KIZ: variants seen among roughly 807,000 people sequenced by gnomAD.
The protein encoded by KIZ is centrosomal protein kizuna.
A neutral mutation model predicts 79.6 loss-of-function variants in KIZ; 68 were observed. That is an observed-to-expected ratio of 0.85 (90% CI 0.70 to 1.05). KIZ has a LOEUF of 1.05. Among genes scored for constraint, KIZ ranks in the 50% least tolerant of loss-of-function variants. The pLI is 0.00. For synonymous variants in KIZ, 280 were observed against 281.8 expected (o/e 0.99, Z 0.06); for missense variants, 797 against 800.4 (o/e 1.00, Z 0.05).
Position 21,214,702 on chromosome 20 carries a change from T to C in KIZ, c.1612+2T>C. On this transcript the variant is annotated splice_donor_variant, in intron 8 of 12. Transcript: ENST00000619189. LOFTEE classifies it high-confidence loss of function. ...ACAGTGTTCCTACAAGGGAACAAGG[T>C]AACTATTGTTAAAGTGTGTGTCCAC... 6.2e-7 allele frequency: 1 copy of C among 1,606,096 alleles called. No individual in the cohort carries two copies. Among genetic ancestry groups the C allele is most frequent in the Non-Finnish European group, 8.5e-7 (1 of 1,173,340 alleles).
intron 9 of KIZ, among the ~76,000 whole-genome samples, chr20:21,223,415 G>T (rs2036561733): frequency 1.3e-5 from 2 of 152,144 alleles, no homozygotes; most frequent in South Asian, 2.1e-4. Context: ...AATTAGGCGG[G>T]TCTCTTCTCG....
chr20:21,221,198 T>G (rs768578162), intron 9 of KIZ, among the ~76,000 whole-genome samples: 22 of 152,224 alleles, frequency 1.4e-4, no homozygotes, highest in Non-Finnish European at 2.1e-4. Context: ...TTGACAATTT[T>G]ATTTGTATTC....
At chr20:21,210,858 T>G (rs1486060622) in intron 7 of KIZ, among the ~76,000 whole-genome samples, 1 of 152,182 alleles carries the variant, frequency 6.6e-6, no homozygotes, top group East Asian at 1.9e-4. Context: ...GTCAAACTTT[T>G]CTCTACCTAT....
chr20:21,211,833 A>G (rs1258687384), intron 7 of KIZ, among the ~76,000 whole-genome samples: 1 of 152,252 alleles, frequency 6.6e-6, no homozygotes, highest in African/African-American at 2.4e-5. Context: ...TCACGCCTAT[A>G]ATCCCGGCAC....
intron 3 of KIZ, among the ~76,000 whole-genome samples, chr20:21,140,109 C>T (rs1055771636): frequency 2.0e-5 from 3 of 152,174 alleles, no homozygotes; most frequent in African/African-American, 7.2e-5. Flanking sequence ...GGATGTTTGT[C>T]TCTGGTGTTT....
intron 6 of KIZ, among the ~76,000 whole-genome samples, chr20:21,175,267 A>G (rs1338572963): frequency 6.6e-6 from 1 of 152,206 alleles, no homozygotes; most frequent in African/African-American, 2.4e-5. Context: ...TGAAAAATCT[A>G]AGACTTTCAT....
In KIZ at chr20:21,145,636, A is replaced by C; in HGVS notation, c.387A>C (p.Thr129=). 6.7e-7 allele frequency: 1 copy of C among 1,496,728 alleles called. No homozygotes were observed. Among genetic ancestry groups the C allele is most frequent in the Non-Finnish European group, 9.1e-7 (1 of 1,103,648 alleles). 92.7% of individuals were successfully genotyped at this position (1,496,728 alleles called of 1,614,324 possible). A position where few individuals can be genotyped will look rare whatever the true frequency, so the allele number is the denominator to read the frequency against. Residue 129 remains threonine, a synonymous_variant, in exon 4 of 13, where the codon ACA becomes ACC. Transcript: ENST00000619189. The stretch of plus-strand genomic sequence containing the variant: ...GCCTGGGACTAAAAGAGGAACTGAC[A>C]GATGAAGACAGAGAAAAGGTAATAA... The part of the protein sequence containing the change: ...KDSLGLKEEL[T]DEDREKVAVH...
At chr20:21,168,253 T>C (rs926988349) in intron 6 of KIZ, among the ~76,000 whole-genome samples, 3 of 152,188 alleles carry the variant, frequency 2.0e-5, no homozygotes, top group Non-Finnish European at 4.4e-5. Context: ...CATGAACTCA[T>C]CATTTTTTAT....
At chr20:21,128,066 G>A (rs1296081974) in intron 1 of KIZ, among the ~76,000 whole-genome samples, 2 of 152,200 alleles carry the variant, frequency 1.3e-5, no homozygotes, top group Non-Finnish European at 2.9e-5. Flanking sequence ...AGGCTGGAGT[G>A]CAATGGCATG....
At chr20:21,188,933 C>T (rs2035004393) in intron 6 of KIZ, among the ~76,000 whole-genome samples, 2 of 152,056 alleles carry the variant, frequency 1.3e-5, no homozygotes, top group African/African-American at 2.4e-5. Context: ...TGGTCTCGAT[C>T]TCCTGACCTC....
At chr20:21,216,984 C>A (rs769196955) in intron 9 of KIZ, among the ~76,000 whole-genome samples, 5 of 152,148 alleles carry the variant, frequency 3.3e-5, no homozygotes, top group Non-Finnish European at 5.9e-5. Context: ...CAAATCCCTT[C>A]TCATGCAGAA....
chr20:21,129,475 C>T (rs2031698893), intron 1 of KIZ, among the ~76,000 whole-genome samples: 2 of 152,146 alleles, frequency 1.3e-5, no homozygotes, highest in African/African-American at 2.4e-5. Flanking sequence ...TGGCTCACAC[C>T]TATAATCCCG....
chr20:21,199,969 C>T (rs565673972), intron 6 of KIZ, among the ~76,000 whole-genome samples: 1 of 152,256 alleles, frequency 6.6e-6, no homozygotes, highest in African/African-American at 2.4e-5. Context: ...CAGGTGTGCA[C>T]TTCCACAACC....
chr20:21,147,996 G>GTGTGTGTGTGTGT (rs2032936271), intron 4 of KIZ, among the ~76,000 whole-genome samples: 3 of 51,166 alleles, frequency 5.9e-5, no homozygotes, highest in Non-Finnish European at 1.0e-4. Context: ...TGTGTGTGTG[G>GTGTGTGTGTGTGT]CAGCAGATGA....
intron 6 of KIZ, among the ~76,000 whole-genome samples, chr20:21,199,195 A>G (rs369984332): frequency 1.4e-4 from 22 of 152,144 alleles, no homozygotes; most frequent in Non-Finnish European, 1.5e-4. Flanking sequence ...TAGACTAACG[A>G]TTGTTAGAGT....
At position 21,231,345 on chromosome 20, in the gene KIZ, A is replaced by T. The variant is rs1600605382; in HGVS notation, c.1784-1389A>T. 1.3e-5 allele frequency among the ~76,000 whole-genome samples: 2 copies of T among 152,316 alleles called. 1 individual carries two copies. The highest frequency in any genetic ancestry group is 4.1e-4 in the South Asian group (2 of 4,828). On this transcript the variant is annotated intron_variant, in intron 10 of 12. Coordinates refer to ENST00000619189, the MANE Select transcript of KIZ (RefSeq NM_018474.6). ...TCTCAAAAAACAAACAAACAAAAAG[A>T]TGAGTAAATTTGACATATAAGTTCT... is the stretch of plus-strand genomic sequence containing the variant.
intron 12 of KIZ, chr20:21,244,557 A>G: frequency 2.1e-6 from 1 of 482,302 alleles, no homozygotes; most frequent in East Asian, 3.6e-5. Context: ...TCCATGTCTA[A>G]TTAATTATCA....
intron 6 of KIZ, among the ~76,000 whole-genome samples, chr20:21,189,659 C>A (rs945213375): frequency 6.6e-6 from 1 of 152,224 alleles, no homozygotes; most frequent in Non-Finnish European, 1.5e-5. Flanking sequence ...GCAGCCTGTG[C>A]TACAATGAAG....
In KIZ at chr20:21,128,395, T is replaced by G. The variant is rs890421148; in HGVS notation, c.89+2191T>G. ...CTGTCTCCTAAAATTCCTGAGTCATTTCATAGGGAGCAACCCTGGGTAGTC... is the reference window on the plus strand; with the variant it reads ...CTGTCTCCTAAAATTCCTGAGTCATGTCATAGGGAGCAACCCTGGGTAGTC... On this transcript the variant is annotated intron_variant, in intron 1 of 12. Transcript: ENST00000619189. Among the ~76,000 whole-genome samples the G allele has an allele frequency of 5.9e-5, 9 of 152,126 alleles. No individual in the cohort carries two copies. The East Asian group carries it at 1.7e-3, about 29-fold the overall frequency.
Sources: gnomAD v4.1 joint callset for allele counts (sites outside exome capture counted in the v4.1 genomes callset) on GRCh38, gnomAD v4.1.1 for gene constraint, MANE v1.5 for transcripts, NCBI Gene and HGNC (gene_info 2026-07-23, HGNC 2026-07-21) for gene names.